Variants in TMEM181 observed in about 807,000 individuals in gnomAD.
The protein encoded by TMEM181 is G protein-coupled receptor 178.
Under a neutral mutation model 71.9 loss-of-function variants are expected in TMEM181, and 39 were observed. The ratio of observed to expected loss-of-function variants is 0.54; its 90% CI spans 0.42 to 0.71. The LOEUF (loss-of-function observed/expected upper bound fraction) is 0.71. Ranked by LOEUF, TMEM181 falls within the 30% of genes least tolerant of loss-of-function variation. TMEM181 has a pLI of 0.00. For synonymous variants in TMEM181, 245 were observed against 228.8 expected, an observed-to-expected ratio of 1.07 and a Z score of -0.64; for missense variants, 595 against 583.0, an observed-to-expected ratio of 1.02 and a Z score of -0.21.
At chr6:158,559,863 T>G (rs1782047327), upstream of TMEM181, among the ~76,000 whole-genome samples, 1 of 152,242 alleles carries the variant, frequency 6.6e-6, no homozygotes, top group Non-Finnish European at 1.5e-5. Context: ...TTACCTGCCC[T>G]AGGGACAAGA....
At chr6:158,592,765 A>G (rs1183707610) in intron 6 of TMEM181, among the ~76,000 whole-genome samples, 1 of 152,118 alleles carries the variant, frequency 6.6e-6, no homozygotes, top group Admixed American at 6.5e-5. Context: ...CAAAAGTTTA[A>G]AACTTAGCCA....
intron 1 of TMEM181, among the ~76,000 whole-genome samples, chr6:158,544,883 T>C (rs561183814): frequency 1.3e-5 from 2 of 152,126 alleles, no homozygotes; most frequent in African/African-American, 2.4e-5. Flanking sequence ...TTCCATAACT[T>C]AAAAAAATTA....
At chr6:158,613,057 C>T (rs1464073884) in intron 10 of TMEM181, among the ~76,000 whole-genome samples, 1 of 151,084 alleles carries the variant, frequency 6.6e-6, no homozygotes, top group Non-Finnish European at 1.5e-5. Context: ...TTTCTTATTT[C>T]TTTACATTGA....
exon 1 of TMEM181, chr6:158,536,691 C>G (rs1228647243): frequency 6.5e-7 from 1 of 1,548,484 alleles, no homozygotes; most frequent in Non-Finnish European, 8.7e-7. Context: ...GGCGGCGACA[C>G]AAAGGGTGGA....
chr6:158,567,504 G>A lies in TMEM181; in HGVS notation c.9-5916G>A, dbSNP rs186312659. ...GTAATGGTTTCAACTGTGGGCAGCCGTGAGAGATGGAGGGTGAGGGAACAC... is the reference window on the plus strand; with the variant it reads ...GTAATGGTTTCAACTGTGGGCAGCCATGAGAGATGGAGGGTGAGGGAACAC... On this transcript the variant is annotated intron_variant, in intron 1 of 16. Transcript: ENST00000684151. 7.9e-5 allele frequency among the ~76,000 whole-genome samples: 12 copies of A among 152,330 alleles called. No homozygotes were observed. In the South Asian group the frequency reaches 2.3e-3, roughly 29 times the overall value.
At chr6:158,557,527 T>G (rs1781942081), upstream of TMEM181, among the ~76,000 whole-genome samples, 1 of 151,872 alleles carries the variant, frequency 6.6e-6, no homozygotes, top group South Asian at 2.1e-4. Flanking sequence ...TTTATTTATT[T>G]ATTTATTTGA....
In TMEM181 at chr6:158,602,722, G is replaced by T. The variant is rs545310477; in HGVS notation, c.493-2545G>T. Among the ~76,000 whole-genome samples, 4 of 151,826 alleles carry T rather than the reference G, an allele frequency of 2.6e-5. No homozygotes were observed. The East Asian group carries it at 7.7e-4, about 29-fold the overall frequency. On this transcript the variant is annotated intron_variant, in intron 6 of 16. Transcript: ENST00000684151. ...CTCCTGAGTAGCTGTGAATACAGGCGCACGCCACCATGCTGGCTAATTTTT... is the reference window on the plus strand; with the variant it reads ...CTCCTGAGTAGCTGTGAATACAGGCTCACGCCACCATGCTGGCTAATTTTT...
chr6:158,578,099 G>C (rs961838727), intron 2 of TMEM181, among the ~76,000 whole-genome samples: 11 of 152,002 alleles, frequency 7.2e-5, no homozygotes, highest in Admixed American at 7.2e-4. Context: ...TCAAAAAAAA[G>C]ACAAAAAAAC....
chr6:158,626,921 T>G, intron 13 of TMEM181, among the ~76,000 whole-genome samples: 1 of 82,236 alleles, frequency 1.2e-5, no homozygotes, highest in East Asian at 6.0e-4. Context: ...CTCACCCTCA[T>G]TCTCACCCTC....
rs147411083 is a variant in TMEM181, at chr6:158,566,739, G to A, written c.8+6507G>A. Among the ~76,000 whole-genome samples the A allele has an allele frequency of 8.2e-3, 1,240 of 152,110 alleles. 10 individuals carry two copies. Among genetic ancestry groups the A allele is most frequent in the Middle Eastern group, 0.02 (6 of 294 alleles). On this transcript the variant is annotated intron_variant, in intron 1 of 16. Transcript: ENST00000684151. ...GGGTGAGGGAAGTGATACGGTGAGG[G>A]AGGTGATGGTGAGGAGTTGAGGGAG... is the stretch of plus-strand genomic sequence containing the variant.
chr6:158,569,369 G>A (rs542592774), intron 1 of TMEM181, among the ~76,000 whole-genome samples: 25 of 152,248 alleles, frequency 1.6e-4, no homozygotes, highest in Non-Finnish European at 3.4e-4. Flanking sequence ...CGAGCCTGTT[G>A]CAGCACAGGC....
chr6:158,569,355 C>T (rs1234700987), intron 1 of TMEM181, among the ~76,000 whole-genome samples: 1 of 152,230 alleles, frequency 6.6e-6, no homozygotes, highest in Non-Finnish European at 1.5e-5. Context: ...CACCCTCTCA[C>T]CCACGAGCCT....
At chr6:158,554,031 C>G (rs1031061977) in intron 1 of TMEM181, among the ~76,000 whole-genome samples, 1 of 152,100 alleles carries the variant, frequency 6.6e-6, no homozygotes. Flanking sequence ...CTCATCCTCC[C>G]GAGTAGCTGG....
At chr6:158,563,142 G>A (rs547191163) in intron 1 of TMEM181, among the ~76,000 whole-genome samples, 1 of 152,314 alleles carries the variant, frequency 6.6e-6, no homozygotes, top group East Asian at 1.9e-4. Flanking sequence ...GAAACGGGAT[G>A]TTTTGTTTGT....
At chr6:158,556,382 AAAT>A (rs1781888781), upstream of TMEM181, among the ~76,000 whole-genome samples, 1 of 152,196 alleles carries the variant, frequency 6.6e-6, no homozygotes, top group South Asian at 2.1e-4. Flanking sequence ...GCGTCAACCT[AAAT>A]AACAAACAAA....
At chr6:158,584,181 C>T in intron 4 of TMEM181, 137 bp downstream of exon 4, 7 of 721,108 alleles carry the variant, frequency 9.7e-6, no homozygotes, top group South Asian at 7.5e-5. Flanking sequence ...TTTATCATAG[C>T]AACAAATTGG....
chr6:158,545,990 TGCTC>T (rs1467907999), intron 1 of TMEM181, among the ~76,000 whole-genome samples: 1 of 152,246 alleles, frequency 6.6e-6, no homozygotes, highest in Admixed American at 6.5e-5. Flanking sequence ...GACGGAGTTT[TGCTC>T]GTAAGTGAAG....
chr6:158,580,985 A>G lies in TMEM181; in HGVS notation c.158A>G (p.Asn53Ser), dbSNP rs1271499990. Residue 53 changes from asparagine (N) to serine (S), a missense_variant, in exon 3 of 17, where the codon AAT becomes AGT. Asn to Ser is a conservative substitution (Grantham distance 46). Transcript: ENST00000684151. ...QTSAANFSLN[N>S]SKKLKPIQIL... ...TCTGCGGCTAATTTTTCACTAAATA[A>G]TAGCAAAAAGGTAAGACTGGGTCTG... is the stretch of plus-strand genomic sequence containing the variant. 1 of 1,610,138 alleles carries G rather than the reference A, an allele frequency of 6.2e-7. No homozygotes were observed. The highest frequency in any genetic ancestry group is 8.5e-7 in the Non-Finnish European group (1 of 1,176,880).
chr6:158,585,301 T>C lies in TMEM181; in HGVS notation c.260-3T>C, dbSNP rs140836924. 5.6e-6 allele frequency: 9 copies of C among 1,595,748 alleles called. No homozygotes were observed. In the East Asian group the frequency reaches 2.0e-4, roughly 36 times the overall value. On this transcript the variant is annotated splice_polypyrimidine_tract_variant and splice_region_variant and intron_variant, in intron 4 of 16. Transcript: ENST00000684151. The stretch of plus-strand genomic sequence containing the variant: ...TCTAACACTGAATTTTTTTCTTTTG[T>C]AGAAACTTCTATTAAGACAAGCTTT...
Sources: allele counts gnomAD v4.1 joint callset (sites outside exome capture counted in the v4.1 genomes callset), GRCh38; gene constraint gnomAD v4.1.1; transcripts MANE v1.5; gene names NCBI Gene and HGNC (gene_info 2026-07-23, HGNC 2026-07-21).